DDX19B: variants seen among roughly 807,000 people sequenced by gnomAD.
DDX19B encodes ATP-dependent RNA helicase DDX19B.
In DDX19B, 27 loss-of-function variants were observed where a neutral mutation model predicts 58.1. The ratio of observed to expected loss-of-function variants is 0.46; its 90% CI spans 0.34 to 0.64. The LOEUF is 0.64. DDX19B is among the 30% of genes least tolerant of loss of function. DDX19B has a pLI of 0.01. For synonymous variants in DDX19B, 187 were observed against 214.4 expected, an observed-to-expected ratio of 0.87 and a Z score of 1.12; for missense variants, 399 against 596.5, an observed-to-expected ratio of 0.67 and a Z score of 3.45.
chr16:70,309,095 T>C (rs1961936597), intron 1 of DDX19B, among the ~76,000 whole-genome samples: 1 of 152,162 alleles, frequency 6.6e-6, no homozygotes. Context: ...TGGTTTCCTT[T>C]TTGTTAAGTT....
At chr16:70,329,036 G>T (rs1963328982) in intron 7 of DDX19B, among the ~76,000 whole-genome samples, 1 of 147,822 alleles carries the variant, frequency 6.8e-6, no homozygotes, top group Admixed American at 6.8e-5. Context: ...CCAAGAGAGT[G>T]AAACCCACCT....
At position 70,330,028 on chromosome 16, in the gene DDX19B, A is replaced by G. The variant is rs1252722411; in HGVS notation, c.983A>G (p.Tyr328Cys). 14 of 1,613,908 alleles carry G rather than the reference A, an allele frequency of 8.7e-6. No homozygotes were observed. The highest frequency in any genetic ancestry group is 4.2e-6 in the Non-Finnish European group (5 of 1,179,880). The part of the protein sequence containing the change: ...DEKFQALCNL[Y>C]GAITIAQAMI... ...AAGTTCCAGGCCTTGTGTAACCTCT[A>G]CGGGGCCATCACCATTGCTCAAGCC... Residue 328 changes from tyrosine to cysteine, a missense_variant, in exon 9 of 12, where the codon TAC (tyrosine) becomes TGC (cysteine). Coordinates refer to ENST00000288071, the MANE Select transcript of DDX19B (RefSeq NM_007242.7).
At position 70,309,817 on chromosome 16, in the gene DDX19B, CAAAAAAA is replaced by C. The variant is rs61033553; in HGVS notation, c.58-2777_58-2771del. Among the ~76,000 whole-genome samples, 19 of 42,632 alleles carry C rather than the reference CAAAAAAA, an allele frequency of 4.5e-4. No individual in the cohort carries two copies. In the South Asian group the frequency reaches 4.9e-3, roughly 11 times the overall value. 28.0% of individuals were successfully genotyped at this position (42,632 alleles called of 152,430 possible). On this transcript the variant is annotated intron_variant, in intron 1 of 11. Transcript: ENST00000288071. ...TGGGCGACAGGGCAAGACTCCGTCT[CAAAAAAA>C]AAAAAAAAAAAAAAGAGAAATAGAA...
At chr16:70,330,096 G>A (rs1382327615) in intron 9 of DDX19B, 28 bp downstream of exon 9, 12 of 1,612,896 alleles carry the variant, frequency 7.4e-6, no homozygotes, top group Non-Finnish European at 1.0e-5. Flanking sequence ...TGGCAGGCCT[G>A]GCCCTTCCCT....
At chr16:70,313,380 G>A (rs2152196000) in intron 2 of DDX19B, among the ~76,000 whole-genome samples, 1 of 152,072 alleles carries the variant, frequency 6.6e-6, no homozygotes, top group South Asian at 2.1e-4. Context: ...CTAACTCCTA[G>A]GCTCAAGCAG....
chr16:70,307,204 C>T (rs566426060), intron 1 of DDX19B, among the ~76,000 whole-genome samples: 18 of 152,140 alleles, frequency 1.2e-4, no homozygotes, highest in African/African-American at 4.3e-4. Context: ...TTTGTGTGGA[C>T]ATATAGTTTC....
chr16:70,327,042 G>A (rs1288852454), intron 7 of DDX19B, among the ~76,000 whole-genome samples: 4 of 150,284 alleles, frequency 2.7e-5, no homozygotes, highest in Non-Finnish European at 4.4e-5. Flanking sequence ...CACTGTGTTA[G>A]CCAGGATGGT....
chr16:70,294,723 A>T, upstream of DDX19B: 1 of 680,704 alleles, frequency 1.5e-6, no homozygotes. Flanking sequence ...CGCGTGCCCG[A>T]GCGCTGTACC....
chr16:70,326,695 G>C (rs1473684071), intron 7 of DDX19B, among the ~76,000 whole-genome samples: 1 of 151,144 alleles, frequency 6.6e-6, no homozygotes, highest in African/African-American at 2.4e-5. Context: ...TGCCACCATG[G>C]CTGGCTAATT....
rs1963598907 is a variant in DDX19B, at chr16:70,333,619, G to A, written c.*37G>A. Reference sequence around the variant, plus strand: ...AGCCACTGATGCCAGCCCTGGCACTGCCCCTGCACAGGAGACAAGTGCGTT... The same window carrying A: ...AGCCACTGATGCCAGCCCTGGCACTACCCCTGCACAGGAGACAAGTGCGTT... On this transcript the variant is annotated 3_prime_UTR_variant, in exon 12 of 12. Transcript: ENST00000288071. The A allele has an allele frequency of 6.2e-7, 1 of 1,613,652 alleles. No homozygotes were observed. Among genetic ancestry groups the A allele is most frequent in the African/African-American group, 1.3e-5 (1 of 74,924 alleles).
At chr16:70,304,497 C>G (rs1304984962) in intron 1 of DDX19B, among the ~76,000 whole-genome samples, 1 of 151,200 alleles carries the variant, frequency 6.6e-6, no homozygotes, top group Non-Finnish European at 1.5e-5. Context: ...CTTAGTCCCC[C>G]GAGTAGCTGG....
chr16:70,315,880 T>C (rs1373499364), intron 3 of DDX19B, 89 bp from the exon 4 acceptor site: 31 of 1,502,392 alleles, frequency 2.1e-5, no homozygotes, highest in Non-Finnish European at 2.7e-5. Context: ...TACATTATTA[T>C]TTAAAATACA....
intron 2 of DDX19B, 37 bp from the exon 3 acceptor site, chr16:70,314,865 T>C (rs1962289465): frequency 6.2e-7 from 1 of 1,603,756 alleles, no homozygotes; most frequent in East Asian, 2.3e-5. Context: ...GGGTATGGGA[T>C]GCGATTTTGA....
Position 70,333,508 on chromosome 16 carries a change from A to T in DDX19B, c.1379-13A>T. 1 of 1,613,996 alleles carries T rather than the reference A, an allele frequency of 6.2e-7. No individual in the cohort carries two copies. Among genetic ancestry groups the T allele is most frequent in the South Asian group, 1.1e-5 (1 of 91,080 alleles). On this transcript the variant is annotated splice_polypyrimidine_tract_variant and intron_variant, in intron 11 of 11. Transcript: ENST00000288071. ...TCCTGGGCAGGGTAGAGACCTGTGT[A>T]TCTTTCCCCCAGATAAGAAGATAGA...
Position 70,333,678 on chromosome 16 carries a change from A to T in DDX19B, c.*96A>T. The T allele has an allele frequency of 1.3e-6, 2 of 1,580,654 alleles. No homozygotes were observed. Among genetic ancestry groups the T allele is most frequent in the South Asian group, 2.2e-5 (2 of 90,014 alleles). ...AGGCCCCGACATCACCCCAAGGACA[A>T]CGGCACAAGTAGAGAGAAACTACCT... On this transcript the variant is annotated 3_prime_UTR_variant, in exon 12 of 12. Transcript: ENST00000288071.
chr16:70,326,986 C>G (rs1963187806), intron 7 of DDX19B, among the ~76,000 whole-genome samples: 1 of 151,832 alleles, frequency 6.6e-6, no homozygotes, highest in African/African-American at 2.4e-5. Context: ...AGGCGCCCAC[C>G]ACTACGCCCA....
chr16:70,317,735 C>A, intron 5 of DDX19B, 147 bp downstream of exon 5: 1 of 515,554 alleles, frequency 1.9e-6, no homozygotes, highest in Non-Finnish European at 3.3e-6. Context: ...GCCAGGAGTT[C>A]AAGACCAGCC....
intron 9 of DDX19B, 30 bp downstream of exon 9, chr16:70,330,098 C>A (rs1297193236): frequency 3.1e-6 from 5 of 1,612,420 alleles, no homozygotes; most frequent in Non-Finnish European, 3.4e-6. Context: ...GCAGGCCTGG[C>A]CCTTCCCTCT....
chr16:70,307,695 A>ATGTATATATGTGTGTGTG (rs1319076162), intron 1 of DDX19B, among the ~76,000 whole-genome samples: 1 of 146,228 alleles, frequency 6.8e-6, no homozygotes, highest in Non-Finnish European at 1.5e-5. Context: ...GTGTGTGTGT[A>ATGTATATATGTGTGTGTG]TGTATATATG....
Sources: allele counts gnomAD v4.1 joint callset (sites outside exome capture counted in the v4.1 genomes callset), GRCh38; gene constraint gnomAD v4.1.1; transcripts MANE v1.5; gene names NCBI Gene and HGNC (gene_info 2026-07-23, HGNC 2026-07-21).